SLTM: variants seen among roughly 807,000 people sequenced by gnomAD.
SLTM encodes SAFB-like transcription modulator.
SLTM carries 43 observed loss-of-function variants against 134.6 expected under a neutral mutation model. The ratio of observed to expected loss-of-function variants is 0.32; its 90% CI spans 0.25 to 0.41. SLTM has a LOEUF of 0.41. Ranked by LOEUF, SLTM falls within the 10% of genes least tolerant of loss-of-function variation. The pLI is 1.00. For missense variants in SLTM, 1,055 were observed against 1,288.8 expected (o/e 0.82, Z 2.78); for synonymous variants, 424 against 432.3 (o/e 0.98, Z 0.24).
rs2034271620 is a variant in SLTM at position 58,887,071 on chromosome 15, C to T, written c.2739G>A (p.Val913=). The change falls in exon 19 of 21, where the codon GTG becomes GTA. Residue 913 remains valine (V), a synonymous_variant. Transcript: ENST00000380516. ...RSGREVSGHS[V]RGAPPGNRSS... ...TACGATTCCCAGGGGGAGCGCCTCT[C>T]ACACTGTGCCCTGATACTTCTCTCC... The T allele has an allele frequency of 6.2e-7, 1 of 1,613,936 alleles. No individual in the cohort carries two copies. The highest frequency in any genetic ancestry group is 1.3e-5 in the African/African-American group (1 of 74,938).
At position 58,899,685 on chromosome 15, in the gene SLTM, T is replaced by C. The variant is rs1248977747; in HGVS notation, c.842A>G (p.Asp281Gly). ...ITDSEASKPK[D>G]GQDAIAQSPE... ...GCTCTGTGCAATGGCGTCCTGCCCA[T>C]CTTTTGGCTTACTTGCTTCAGAATC... The change falls in exon 7 of 21, where the codon GAT (aspartate) becomes GGT (glycine). Residue 281 changes from aspartate to glycine, a missense_variant. Physicochemically the swap from Asp to Gly is moderately conservative, Grantham distance 94. Transcript: ENST00000380516. The surrounding 1 kb of genome is among the most constrained non-coding windows in gnomAD (Gnocchi z 5.0). 1.2e-6 allele frequency: 2 copies of C among 1,614,078 alleles called. No homozygotes were observed. Among genetic ancestry groups the C allele is most frequent in the Non-Finnish European group, 1.7e-6 (2 of 1,180,018 alleles).
chr15:58,916,940 T>G lies in SLTM; in HGVS notation c.310A>C (p.Ile104Leu). The G allele has an allele frequency of 6.2e-7, 1 of 1,613,580 alleles. No homozygotes were observed. The highest frequency in any genetic ancestry group is 8.5e-7 in the Non-Finnish European group (1 of 1,179,616). ...CTGAGTAATTAACACTTTACCTTGATAAAAGCATCATCTTCCACAGAAGCA... is the reference window on the plus strand; with the variant it reads ...CTGAGTAATTAACACTTTACCTTGAGAAAAGCATCATCTTCCACAGAAGCA... ...GDASVEDDAF[I>L]KDCELENQEA... is the part of the protein sequence containing the mutation. The change falls in exon 3 of 21, where the codon ATC (isoleucine) becomes CTC (leucine). Residue 104 changes from isoleucine (I) to leucine (L), a missense_variant. Transcript: ENST00000380516.
At position 58,898,553 on chromosome 15, in the gene SLTM, A is replaced by AG. The variant is rs11422055; in HGVS notation, c.1108+249dup. 6.6e-3 allele frequency: 2,539 copies of AG among 382,952 alleles called. 61 individuals are homozygous for AG. Among genetic ancestry groups the AG allele is most frequent in the African/African-American group, 0.05 (2,321 of 46,402 alleles). The allele number at this position is 382,952 out of a possible 1,614,324, so 23.7% of individuals were successfully genotyped here. ...TCAACACAGTCCCTTAGAACACACC[A>AG]GGTAAGTGTTCCCTAGCTAATGGGT... On this transcript the variant is annotated intron_variant, in intron 8 of 20. Coordinates refer to ENST00000380516, the MANE Select transcript of SLTM (RefSeq NM_024755.4).
Position 58,889,157 on chromosome 15 carries a change from A to G in SLTM, c.2204+273T>C, listed in dbSNP as rs2034464086. 9 of 307,192 alleles carry G rather than the reference A, an allele frequency of 2.9e-5. No individual in the cohort carries two copies. The South Asian group carries it at 4.5e-4, about 15-fold the overall frequency. The allele number at this position is 307,192 out of a possible 1,614,324, so 19.0% of individuals were successfully genotyped here. On this transcript the variant is annotated intron_variant, in intron 16 of 20. Coordinates refer to ENST00000380516, the MANE Select transcript of SLTM (RefSeq NM_024755.4). ...GCACTACCTTTTTAAGAATGTTCAAAATCTGTTTAATTATTATTGAAGCCT... is the reference window on the plus strand; with the variant it reads ...GCACTACCTTTTTAAGAATGTTCAAGATCTGTTTAATTATTATTGAAGCCT...
intron 2 of SLTM, among the ~76,000 whole-genome samples, chr15:58,922,784 C>T (rs2037188165): frequency 6.6e-6 from 1 of 151,064 alleles, no homozygotes. Flanking sequence ...GTGATCTTGG[C>T]TCACTGCCAC....
In SLTM at chr15:58,913,745, G is replaced by C. The variant is rs780968380; in HGVS notation, c.316-49C>G. 10 of 1,458,386 alleles carry C rather than the reference G, an allele frequency of 6.9e-6. No individual in the cohort carries two copies. In the Admixed American group the frequency reaches 1.1e-4, roughly 16 times the overall value. The allele number at this position is 1,458,386 out of a possible 1,614,324, so 90.3% of individuals were successfully genotyped here. A position where few individuals can be genotyped will look rare whatever the true frequency, so the allele number is the denominator to read the frequency against. On this transcript the variant is annotated intron_variant, in intron 3 of 20. Coordinates refer to ENST00000380516, the MANE Select transcript of SLTM (RefSeq NM_024755.4). ...TACAACTAGAGGCAAAGTAGTGTGG[G>C]CTATCCACCAAACGTTTTTGGTAAT...
At position 58,899,672 on chromosome 15, in the gene SLTM, G is replaced by A; in HGVS notation, c.855C>T (p.Ala285=). 6.2e-7 allele frequency: 1 copy of A among 1,614,108 alleles called. No homozygotes were observed. The highest frequency in any genetic ancestry group is 1.6e-4 in the Middle Eastern group (1 of 6,062). Residue 285 remains alanine (A), a synonymous_variant, in exon 7 of 21, where the codon GCC becomes GCT. Coordinates refer to ENST00000380516, the MANE Select transcript of SLTM (RefSeq NM_024755.4). The surrounding 1 kb of genome is among the most constrained non-coding windows in gnomAD (Gnocchi z 5.0). ...EASKPKDGQD[A]IAQSPEKESK... is the part of the protein sequence containing the mutation. ...TTTCCTTCTCCGGGCTCTGTGCAAT[G>A]GCGTCCTGCCCATCTTTTGGCTTAC...
chr15:58,923,266 G>A (rs528552260), intron 2 of SLTM, among the ~76,000 whole-genome samples: 44 of 152,238 alleles, frequency 2.9e-4, no homozygotes, highest in Admixed American at 1.3e-3. Context: ...GCCGATGTGG[G>A]AGGATACCAT....
chr15:58,918,463 C>A (rs1310405092), intron 2 of SLTM, among the ~76,000 whole-genome samples: 2 of 152,178 alleles, frequency 1.3e-5, no homozygotes, highest in African/African-American at 2.4e-5. Flanking sequence ...AATTCTAAGT[C>A]ATTTCCGCAA....
chr15:58,903,724 AAAG>A (rs1165615322), intron 5 of SLTM, among the ~76,000 whole-genome samples: 6 of 151,974 alleles, frequency 3.9e-5, no homozygotes, highest in Non-Finnish European at 8.8e-5. Context: ...GGAAAAAAAA[AAAG>A]AATGTGCATC....
chr15:58,919,990 T>C (rs1376637444), intron 2 of SLTM, among the ~76,000 whole-genome samples: 1 of 152,166 alleles, frequency 6.6e-6, no homozygotes, highest in Non-Finnish European at 1.5e-5. Flanking sequence ...AAACACATTA[T>C]TCTAATAAGG....
At position 58,893,370 on chromosome 15, in the gene SLTM, G is replaced by T; in HGVS notation, c.1649-6C>A. ...ATGTCCTGGACTCTTGGAACCTAAG[G>T]GAAAAAAATTATATAAAACAATGTC... On this transcript the variant is annotated splice_polypyrimidine_tract_variant and splice_region_variant and intron_variant, in intron 12 of 20. Coordinates refer to ENST00000380516, the MANE Select transcript of SLTM (RefSeq NM_024755.4). 6.3e-7 allele frequency: 1 copy of T among 1,574,928 alleles called. No individual in the cohort carries two copies. Among genetic ancestry groups the T allele is most frequent in the South Asian group, 1.2e-5 (1 of 85,024 alleles).
At chr15:58,900,067 A>C in intron 6 of SLTM, 130 bp from the exon 7 acceptor site, 1 of 690,188 alleles carries the variant, frequency 1.4e-6, no homozygotes, top group Non-Finnish European at 2.4e-6. Flanking sequence ...GGAAAAAAAA[A>C]AAAAACACAA....
Position 58,899,058 on chromosome 15 carries a change from C to T in SLTM, c.1059-206G>A, listed in dbSNP as rs2035291483. 2.0e-6 allele frequency: 1 copy of T among 505,082 alleles called. No homozygotes were observed. The highest frequency in any genetic ancestry group is 2.6e-5 in the South Asian group (1 of 39,190). 31.3% of individuals were successfully genotyped at this position (505,082 alleles called of 1,614,324 possible). On this transcript the variant is annotated intron_variant, in intron 7 of 20. Coordinates refer to ENST00000380516, the MANE Select transcript of SLTM (RefSeq NM_024755.4). This position sits in a 1 kb window ranked among gnomAD's most constrained non-coding sequence, Gnocchi z 5.0. ...CAAGATGCCTGAAGATCTAGATTTT[C>T]TGACAATTCTATTCAGTGGAAATAT...
intron 2 of SLTM, among the ~76,000 whole-genome samples, chr15:58,924,504 G>C (rs2037326239): frequency 6.6e-6 from 1 of 152,130 alleles, no homozygotes; most frequent in Admixed American, 6.5e-5. Flanking sequence ...GTGGCTTCTG[G>C]AACAGTATTT....
chr15:58,909,891 T>C lies in SLTM; in HGVS notation c.561+2672A>G, dbSNP rs187622965. Among the ~76,000 whole-genome samples, 218 of 152,322 alleles carry C rather than the reference T, an allele frequency of 1.4e-3. 2 individuals carry two copies. The highest frequency in any genetic ancestry group is 5.4e-4 in the Non-Finnish European group (37 of 68,022). ...CCTGTTTTTGCCAACCCTTGCTCTA[T>C]GGGATAAGCAAGTTGCTTTTTTCAA... is the stretch of plus-strand genomic sequence containing the variant. On this transcript the variant is annotated intron_variant, in intron 5 of 20. Transcript: ENST00000380516.
chr15:58,906,614 C>A (rs776508618), intron 5 of SLTM, among the ~76,000 whole-genome samples: 9 of 152,142 alleles, frequency 5.9e-5, no homozygotes, highest in Non-Finnish European at 1.2e-4. Flanking sequence ...ACCTCCTTTC[C>A]CCTGGCTTGA....
Position 58,901,261 on chromosome 15 carries a change from T to G in SLTM, c.588A>C (p.Lys196Asn), listed in dbSNP as rs759382716. 6.2e-7 allele frequency: 1 copy of G among 1,605,476 alleles called. No homozygotes were observed. The highest frequency in any genetic ancestry group is 8.5e-7 in the Non-Finnish European group (1 of 1,176,532). The change falls in exon 6 of 21, where the codon AAA becomes AAC. Residue 196 changes from lysine (K) to asparagine (N), a missense_variant and splice_region_variant. Physicochemically the swap from Lys to Asn is moderately conservative, Grantham distance 94. This residue lies in a region of SLTM where 268 missense variants were observed against 284.3 expected (regional missense o/e 0.94). Coordinates refer to ENST00000380516, the MANE Select transcript of SLTM (RefSeq NM_024755.4). The stretch of plus-strand genomic sequence containing the variant: ...TTTAAGCTCTAGCATCAAACATACC[T>G]TTCTCATTTTCTTCTTCCTCACCAT... ...AQDGEEEENE[K>N]DIAGSGDGTQ...
chr15:58,897,054 T>G (rs2035133306), intron 9 of SLTM, 61 bp downstream of exon 9: 1 of 953,476 alleles, frequency 1.0e-6, no homozygotes, highest in African/African-American at 1.6e-5. Flanking sequence ...CTATTTAGAA[T>G]ACAATCCTCA....
Sources: gnomAD v4.1 joint callset for allele counts (sites outside exome capture counted in the v4.1 genomes callset) on GRCh38, gnomAD v4.1.1 for gene constraint, gnomAD v4.1.1 regional missense constraint, Gnocchi (gnomAD v3.1) non-coding constraint, MANE v1.5 for transcripts, NCBI Gene and HGNC (gene_info 2026-07-23, HGNC 2026-07-21) for gene names.